CCDC102B: variants seen among roughly 807,000 people sequenced by gnomAD.
CCDC102B encodes coiled-coil domain-containing protein 102B.
In CCDC102B, 75 loss-of-function variants were observed where a neutral mutation model predicts 57.4. That is an observed-to-expected ratio of 1.31 (90% CI 1.08 to 1.58). CCDC102B has a LOEUF of 1.58. Ranked by LOEUF, CCDC102B falls within the 40% of genes most tolerant of loss-of-function variation. The probability of loss-of-function intolerance (pLI) is 0.00; values close to 1 mark genes in which losing one functional copy is unlikely to be tolerated. For missense variants in CCDC102B, 636 were observed against 582.6 expected, an observed-to-expected ratio of 1.09 and a Z score of -0.94; for synonymous variants, 206 against 201.9, an observed-to-expected ratio of 1.02 and a Z score of -0.17.
intron 6 of CCDC102B, among the ~76,000 whole-genome samples, chr18:68,907,780 T>C (rs2145058746): frequency 6.6e-6 from 1 of 152,312 alleles, no homozygotes; most frequent in East Asian, 1.9e-4. Context: ...CTTTTACTTC[T>C]TTTTCTTGCT....
chr18:68,784,162 A>C (rs1349176633), intron 2 of CCDC102B, among the ~76,000 whole-genome samples: 1 of 152,126 alleles, frequency 6.6e-6, no homozygotes, highest in Non-Finnish European at 1.5e-5. Context: ...ATTTATAAAG[A>C]AAAGAGGTTA....
At chr18:68,741,115 T>C (rs1243468517) in intron 2 of CCDC102B, among the ~76,000 whole-genome samples, 1 of 152,210 alleles carries the variant, frequency 6.6e-6, no homozygotes, top group African/African-American at 2.4e-5. Flanking sequence ...CAAGTCCACA[T>C]GGCATATGGC....
intron 6 of CCDC102B, among the ~76,000 whole-genome samples, chr18:68,913,345 G>GTGTGTGTGT (rs2040945119): frequency 1.5e-4 from 2 of 13,240 alleles, no homozygotes; most frequent in Non-Finnish European, 3.6e-4. Context: ...TGTGTGTGTG[G>GTGTGTGTGT]TCCTACTTTA....
At chr18:68,880,683 A>C (rs1183354440) in intron 5 of CCDC102B, among the ~76,000 whole-genome samples, 1 of 152,238 alleles carries the variant, frequency 6.6e-6, no homozygotes, top group Non-Finnish European at 1.5e-5. Context: ...TTAATGGAGT[A>C]AATTGTTTCT....
At chr18:68,876,578 C>G (rs551492981) in intron 5 of CCDC102B, among the ~76,000 whole-genome samples, 2 of 151,992 alleles carry the variant, frequency 1.3e-5, no homozygotes, top group African/African-American at 4.8e-5. Flanking sequence ...TCTCCTGTAT[C>G]TCAATTCCTC....
intron 2 of CCDC102B, 180 bp from the exon 3 acceptor site, chr18:68,838,526 A>G (rs187861587): frequency 1.0e-6 from 1 of 985,320 alleles, no homozygotes; most frequent in Non-Finnish European, 1.2e-6. Flanking sequence ...AACATAGAAA[A>G]AAACAAGCTC....
At chr18:68,816,131 C>CGA (rs2036463275) in intron 1 of CCDC102B, among the ~76,000 whole-genome samples, 1 of 152,178 alleles carries the variant, frequency 6.6e-6, no homozygotes, top group African/African-American at 2.4e-5. Flanking sequence ...ATAATACCCT[C>CGA]TACCTTCACT....
Position 68,928,057 on chromosome 18 carries a change from A to G in CCDC102B, c.1263+30629A>G, listed in dbSNP as rs138690179. Reference sequence around the variant, plus strand: ...TTGGACTCCATCTGTTAGAGGTGTGAACTTGAGCTCCTCTCTTTTCTAAGC... The same window carrying G: ...TTGGACTCCATCTGTTAGAGGTGTGGACTTGAGCTCCTCTCTTTTCTAAGC... On this transcript the variant is annotated intron_variant, in intron 6 of 7. Coordinates refer to ENST00000360242, the MANE Select transcript of CCDC102B (RefSeq NM_024781.3). Among the ~76,000 whole-genome samples the G allele has an allele frequency of 6.2e-4, 95 of 152,004 alleles. 2 individuals carry two copies. Among genetic ancestry groups the G allele is most frequent in the Admixed American group, 3.2e-3 (49 of 15,220 alleles).
intron 6 of CCDC102B, among the ~76,000 whole-genome samples, chr18:68,970,987 C>G (rs2145259199): frequency 6.6e-6 from 1 of 151,844 alleles, no homozygotes; most frequent in Admixed American, 6.6e-5. Flanking sequence ...TGTATACAAA[C>G]AAATATTTGG....
chr18:68,776,027 C>G (rs2034803852), intron 2 of CCDC102B, among the ~76,000 whole-genome samples: 1 of 152,078 alleles, frequency 6.6e-6, no homozygotes, highest in African/African-American at 2.4e-5. Context: ...TTGATTATTT[C>G]TTCTCTCTGT....
intron 6 of CCDC102B, among the ~76,000 whole-genome samples, chr18:68,994,028 A>C (rs1161647981): frequency 6.6e-6 from 1 of 152,192 alleles, no homozygotes; most frequent in Non-Finnish European, 1.5e-5. Context: ...TTACTTAATA[A>C]AAATATTTAA....
chr18:68,893,432 G>A (rs941174085), intron 5 of CCDC102B, among the ~76,000 whole-genome samples: 6 of 152,128 alleles, frequency 3.9e-5, no homozygotes, highest in African/African-American at 7.2e-5. Flanking sequence ...GTACGGAGAA[G>A]TCCTTTTCAT....
At chr18:68,837,802 C>G (rs1226391812) in intron 2 of CCDC102B, among the ~76,000 whole-genome samples, 3 of 152,126 alleles carry the variant, frequency 2.0e-5, no homozygotes, top group East Asian at 3.9e-4. Flanking sequence ...GGAGACCTAA[C>G]AAGAAAGATA....
At chr18:69,010,790 C>T in intron 6 of CCDC102B, 144 bp from the exon 7 acceptor site, 3 of 563,100 alleles carry the variant, frequency 5.3e-6, no homozygotes, top group Admixed American at 3.2e-5. Flanking sequence ...TATCTGATTA[C>T]AGAAATGTAG....
chr18:68,874,170 A>ATGTGTGTGTGTG (rs34176363), intron 4 of CCDC102B, among the ~76,000 whole-genome samples: 2 of 138,262 alleles, frequency 1.4e-5, no homozygotes, highest in African/African-American at 5.5e-5. Flanking sequence ...GTGTGTGTGT[A>ATGTGTGTGTGTG]TGTGTGTGTG....
chr18:68,875,293 C>T (rs565691288), intron 5 of CCDC102B, among the ~76,000 whole-genome samples: 3 of 152,202 alleles, frequency 2.0e-5, no homozygotes, highest in South Asian at 2.1e-4. Flanking sequence ...AATGAATTTT[C>T]GCAAATGTGT....
intron 6 of CCDC102B, among the ~76,000 whole-genome samples, chr18:68,928,227 C>T (rs1022971503): frequency 1.3e-5 from 2 of 151,862 alleles, no homozygotes; most frequent in African/African-American, 4.8e-5. Flanking sequence ...GAGTACTATA[C>T]GGATCAGGAC....
At chr18:68,815,182 T>G (rs968924163) in intron 1 of CCDC102B, among the ~76,000 whole-genome samples, 4 of 152,182 alleles carry the variant, frequency 2.6e-5, no homozygotes, top group African/African-American at 7.2e-5. Flanking sequence ...AGTTCTAAAG[T>G]CTTACAAGTA....
chr18:68,888,846 C>G (rs1343258152), intron 5 of CCDC102B, among the ~76,000 whole-genome samples: 1 of 152,110 alleles, frequency 6.6e-6, no homozygotes, highest in Non-Finnish European at 1.5e-5. Flanking sequence ...GTTAGTAAGT[C>G]ATGTGTGGTA....
Sources: gnomAD v4.1 joint callset for allele counts (sites outside exome capture counted in the v4.1 genomes callset) on GRCh38, gnomAD v4.1.1 for gene constraint, MANE v1.5 for transcripts, NCBI Gene and HGNC (gene_info 2026-07-23, HGNC 2026-07-21) for gene names.